Variants in GABRB1 observed in about 807,000 individuals in gnomAD.
The protein encoded by GABRB1 is gamma-aminobutyric acid type A receptor subunit beta1, also known as gamma-aminobutyric acid receptor subunit beta-1.
GABRB1 carries 17 observed loss-of-function variants against 51.6 expected under a neutral mutation model. That is an observed-to-expected ratio of 0.33 (90% CI 0.23 to 0.49). The LOEUF is 0.49. GABRB1 is among the 20% of genes least tolerant of loss of function. The probability of loss-of-function intolerance (pLI) is 0.99; values close to 1 mark genes in which losing one functional copy is unlikely to be tolerated. For missense variants in GABRB1, 410 were observed against 600.6 expected (o/e 0.68, Z 3.32); for synonymous variants, 247 against 218.9 (o/e 1.13, Z -1.14).
intron 5 of GABRB1, among the ~76,000 whole-genome samples, chr4:47,327,370 G>GA (rs142491475): frequency 3.8e-3 from 553 of 145,728 alleles, no homozygotes; most frequent in Non-Finnish European, 5.9e-3. Flanking sequence ...AAGAAAAAAA[G>GA]AAAAAAAAAA....
At chr4:47,348,706 T>C (rs536854478) in intron 5 of GABRB1, among the ~76,000 whole-genome samples, 44 of 152,334 alleles carry the variant, frequency 2.9e-4, no homozygotes, top group African/African-American at 7.5e-4. Context: ...TAGTGGAGCA[T>C]TGAAGATTTT....
At chr4:47,274,985 C>A (rs1160501180) in intron 4 of GABRB1, among the ~76,000 whole-genome samples, 1 of 152,124 alleles carries the variant, frequency 6.6e-6, no homozygotes, top group African/African-American at 2.4e-5. Context: ...AAATTGTATT[C>A]GTGTTTTCCT....
chr4:47,000,654 G>A (rs1724150745), intron 1 of GABRB1, among the ~76,000 whole-genome samples: 1 of 152,162 alleles, frequency 6.6e-6, no homozygotes, highest in African/African-American at 2.4e-5. Flanking sequence ...TGCTTCACAT[G>A]ACTGGTGCTT....
At chr4:47,293,295 T>C (rs947630266) in intron 4 of GABRB1, among the ~76,000 whole-genome samples, 1 of 152,004 alleles carries the variant, frequency 6.6e-6, no homozygotes, top group African/African-American at 2.4e-5. Flanking sequence ...GCATGTGCCA[T>C]AATGCTTGGC....
intron 3 of GABRB1, among the ~76,000 whole-genome samples, chr4:47,139,152 G>A (rs915377257): frequency 2.6e-5 from 4 of 151,936 alleles, no homozygotes; most frequent in Non-Finnish European, 4.4e-5. Flanking sequence ...TCTCCCAACA[G>A]ACTTCGAATC....
At chr4:47,237,839 G>A (rs1343927922) in intron 4 of GABRB1, among the ~76,000 whole-genome samples, 1 of 151,914 alleles carries the variant, frequency 6.6e-6, no homozygotes, top group Admixed American at 6.6e-5. Context: ...AAAAACAGGA[G>A]AAGAAGATTA....
At chr4:47,077,972 TATATATAATATATA>T (rs35262355) in intron 3 of GABRB1, among the ~76,000 whole-genome samples, 8 of 127,746 alleles carry the variant, frequency 6.3e-5, no homozygotes, top group Non-Finnish European at 1.3e-4. Flanking sequence ...ATATATATTT[TATATATAATATATA>T]ATATATAATA....
intron 5 of GABRB1, among the ~76,000 whole-genome samples, chr4:47,401,829 TATCTATCTATC>T (rs1270458686): frequency 0.013 from 477 of 37,184 alleles, 4 homozygotes; most frequent in African/African-American, 0.077. Context: ...TCTAGCTATC[TATCTATCTATC>T]ATCTATCTAT....
intron 5 of GABRB1, among the ~76,000 whole-genome samples, chr4:47,328,354 T>C (rs1013147575): frequency 6.6e-6 from 1 of 152,212 alleles, no homozygotes; most frequent in African/African-American, 2.4e-5. Context: ...TTGTTGCCAT[T>C]GCTTTTGGTG....
intron 8 of GABRB1, among the ~76,000 whole-genome samples, chr4:47,417,217 C>A (rs1281801552): frequency 1.3e-5 from 2 of 152,100 alleles, no homozygotes; most frequent in Non-Finnish European, 2.9e-5. Flanking sequence ...ACCTTCTCAG[C>A]AACATCTAAA....
intron 5 of GABRB1, among the ~76,000 whole-genome samples, chr4:47,364,209 T>C (rs1726900813): frequency 6.6e-6 from 1 of 152,108 alleles, no homozygotes; most frequent in African/African-American, 2.4e-5. Context: ...AGTGAGGATT[T>C]TGGGGAGATT....
At chr4:47,329,909 A>G (rs542393630) in intron 5 of GABRB1, among the ~76,000 whole-genome samples, 5 of 152,166 alleles carry the variant, frequency 3.3e-5, no homozygotes, top group African/African-American at 1.2e-4. Context: ...GGCTCACGCA[A>G]TTATGGAGGC....
intron 4 of GABRB1, among the ~76,000 whole-genome samples, chr4:47,292,874 C>A (rs1723802754): frequency 6.6e-6 from 1 of 152,158 alleles, no homozygotes. Context: ...TGAGCCCACT[C>A]TCATGATAAT....
At chr4:47,296,537 T>A (rs1245955345) in intron 4 of GABRB1, among the ~76,000 whole-genome samples, 1 of 152,104 alleles carries the variant, frequency 6.6e-6, no homozygotes, top group Non-Finnish European at 1.5e-5. Context: ...GGTAAAGGGA[T>A]CAATTCAACA....
At chr4:47,377,043 TA>T (rs11299443) in intron 5 of GABRB1, among the ~76,000 whole-genome samples, 65,620 of 151,630 alleles carry the variant, frequency 0.43, 16,809 homozygotes, top group African/African-American at 0.72. Context: ...TCTTTCAGGA[TA>T]AAAAAAAAGG....
At chr4:47,056,723 C>T (rs949504134) in intron 3 of GABRB1, among the ~76,000 whole-genome samples, 1 of 152,084 alleles carries the variant, frequency 6.6e-6, no homozygotes, top group Non-Finnish European at 1.5e-5. Context: ...ATGATATGAT[C>T]TTTACCAAAT....
intron 3 of GABRB1, among the ~76,000 whole-genome samples, chr4:47,099,359 T>G (rs1281193732): frequency 6.6e-6 from 1 of 152,080 alleles, no homozygotes; most frequent in African/African-American, 2.4e-5. Flanking sequence ...AGACAAAATA[T>G]GAACTATGTT....
intron 4 of GABRB1, among the ~76,000 whole-genome samples, chr4:47,299,906 A>T (rs1724180631): frequency 6.6e-6 from 1 of 152,140 alleles, no homozygotes; most frequent in Admixed American, 6.5e-5. Flanking sequence ...AATACTATGC[A>T]GCCATAAAAA....
chr4:47,388,898 C>T (rs1331005614), intron 5 of GABRB1, among the ~76,000 whole-genome samples: 1 of 152,120 alleles, frequency 6.6e-6, no homozygotes, highest in Non-Finnish European at 1.5e-5. Flanking sequence ...GGTTTGTTTT[C>T]TGTTAACACA....
Sources: allele counts gnomAD v4.1 joint callset (sites outside exome capture counted in the v4.1 genomes callset), GRCh38; gene constraint gnomAD v4.1.1; transcripts MANE v1.5; gene names NCBI Gene and HGNC (gene_info 2026-07-23, HGNC 2026-07-21).